HDAC4: variants seen among roughly 807,000 people sequenced by gnomAD.
The protein encoded by HDAC4 is histone deacetylase A.
Under a neutral mutation model 135.1 loss-of-function variants are expected in HDAC4, and 16 were observed. The observed-to-expected ratio is 0.12, with a 90% CI of 0.08 to 0.18. The LOEUF is 0.18. HDAC4 is among the 10% of genes least tolerant of loss of function. The pLI is 1.00. For synonymous variants in HDAC4, 685 were observed against 653.4 expected, an observed-to-expected ratio of 1.05 and a Z score of -0.74; for missense variants, 1,143 against 1,511.8, an observed-to-expected ratio of 0.76 and a Z score of 4.05.
At chr2:239,270,159 G>C (rs1422183368) in intron 2 of HDAC4, among the ~76,000 whole-genome samples, 1 of 152,226 alleles carries the variant, frequency 6.6e-6, no homozygotes, top group Non-Finnish European at 1.5e-5. Flanking sequence ...CAGAGTCCTG[G>C]AGGCTGCCCC....
At chr2:239,398,088 A>AG (rs1373881489) in intron 1 of HDAC4, among the ~76,000 whole-genome samples, 1 of 149,114 alleles carries the variant, frequency 6.7e-6, no homozygotes, top group Non-Finnish European at 1.5e-5. Flanking sequence ...CCAGCTAGTC[A>AG]TCAATTCTGA....
At chr2:239,360,406 C>T (rs1282800650) in intron 1 of HDAC4, among the ~76,000 whole-genome samples, 1 of 152,210 alleles carries the variant, frequency 6.6e-6, no homozygotes, top group African/African-American at 2.4e-5. Flanking sequence ...AAAGTAGCTC[C>T]AACAGCCACA....
At chr2:239,075,440 A>G (rs1272236287) in intron 22 of HDAC4, among the ~76,000 whole-genome samples, 1 of 152,024 alleles carries the variant, frequency 6.6e-6, no homozygotes, top group Non-Finnish European at 1.5e-5. Context: ...TCAGCTCAAG[A>G]GGCAGGAGAA....
intron 2 of HDAC4, among the ~76,000 whole-genome samples, chr2:239,279,116 G>C (rs2050562562): frequency 6.6e-6 from 1 of 152,240 alleles, no homozygotes; most frequent in African/African-American, 2.4e-5. Context: ...ACAGGCCGGA[G>C]GGCTCCCCTC....
rs2039053683 is a variant in HDAC4, at chr2:239,115,564, C to T, written c.1534-254G>A. Among the ~76,000 whole-genome samples the T allele has an allele frequency of 6.6e-6, 1 of 152,130 alleles. No homozygotes were observed. Among genetic ancestry groups the T allele is most frequent in the African/African-American group, 2.4e-5 (1 of 41,420 alleles). On this transcript the variant is annotated intron_variant, in intron 12 of 26. Coordinates refer to ENST00000543185, the MANE Select transcript of HDAC4 (RefSeq NM_001378414.1). The surrounding 1 kb of genome is among the most constrained non-coding windows in gnomAD (Gnocchi z 6.3). The stretch of plus-strand genomic sequence containing the variant: ...GACCTGGCCCAGGGAAGGAGGCTGA[C>T]TAACATTTGGGGTTTACTAAGCACC...
chr2:239,176,348 G>A lies in HDAC4; in HGVS notation c.490+65C>T, dbSNP rs1281492964. On this transcript the variant is annotated intron_variant, in intron 5 of 26. Coordinates refer to ENST00000543185, the MANE Select transcript of HDAC4 (RefSeq NM_001378414.1). ...ACTCCCTCCCTCTGCCCAGCCTTCCGTGCCCGCACCCCTCCCTCTGCCCGG... is the reference window on the plus strand; with the variant it reads ...ACTCCCTCCCTCTGCCCAGCCTTCCATGCCCGCACCCCTCCCTCTGCCCGG... 4.0e-4 allele frequency: 40 copies of A among 99,690 alleles called. 4 individuals are homozygous for A. Among genetic ancestry groups the A allele is most frequent in the East Asian group, 6.5e-4 (3 of 4,642 alleles). The allele number at this position is 99,690 out of a possible 1,614,324, so 6.2% of individuals were successfully genotyped here. A position where few individuals can be genotyped will look rare whatever the true frequency, so the allele number is the denominator to read the frequency against.
intron 24 of HDAC4, among the ~76,000 whole-genome samples, chr2:239,065,925 G>A (rs2033411749): frequency 6.6e-6 from 1 of 152,246 alleles, no homozygotes; most frequent in African/African-American, 2.4e-5. Flanking sequence ...GGCTCAGGAA[G>A]AGCAGGTGTG....
intron 3 of HDAC4, among the ~76,000 whole-genome samples, chr2:239,206,419 T>G (rs57670709): frequency 2.0e-5 from 3 of 150,188 alleles, no homozygotes; most frequent in Non-Finnish European, 3.0e-5. Context: ...CACACACACA[T>G]GGGTATGGCT....
intron 1 of HDAC4, among the ~76,000 whole-genome samples, chr2:239,380,048 C>A (rs183018015): frequency 1.4e-4 from 21 of 152,230 alleles, no homozygotes; most frequent in African/African-American, 4.6e-4. Flanking sequence ...GCTGGGAGGG[C>A]GTGCACGAAA....
intron 26 of HDAC4, 129 bp from the exon 27 acceptor site, chr2:239,053,265 G>A: frequency 7.3e-7 from 1 of 1,364,344 alleles, no homozygotes. Context: ...GGCAGCCCCG[G>A]GTCCATCTGT....
At chr2:239,392,951 C>T (rs1696327522) in intron 1 of HDAC4, among the ~76,000 whole-genome samples, 1 of 152,150 alleles carries the variant, frequency 6.6e-6, no homozygotes, top group Admixed American at 6.5e-5. Flanking sequence ...CAGCGGGTCC[C>T]CTCCAGCACG....
In HDAC4 at chr2:239,051,203, A is replaced by C. The variant is rs1351064857; in HGVS notation, c.*1894T>G. Reference sequence around the variant, plus strand: ...GGGGAAAAACACACCACCCCTCGTAATACTACTAGTGTTGAAAGTTAAAAA... The same window carrying C: ...GGGGAAAAACACACCACCCCTCGTACTACTACTAGTGTTGAAAGTTAAAAA... On this transcript the variant is annotated 3_prime_UTR_variant, in exon 27 of 27. Transcript: ENST00000543185. 1.3e-5 allele frequency: 2 copies of C among 152,434 alleles called. No individual in the cohort carries two copies. The highest frequency in any genetic ancestry group is 1.5e-5 in the Non-Finnish European group (1 of 68,022). 9.4% of individuals were successfully genotyped at this position (152,434 alleles called of 1,614,324 possible).
At chr2:239,236,889 C>CT (rs2047919775) in intron 2 of HDAC4, among the ~76,000 whole-genome samples, 1 of 152,190 alleles carries the variant, frequency 6.6e-6, no homozygotes, top group Non-Finnish European at 1.5e-5. Context: ...CGTTTCTGGC[C>CT]TAAGAGCCAC....
rs889860476 is a variant in HDAC4 at position 239,062,314 on chromosome 2, G to C, written c.3003+4408C>G. Among the ~76,000 whole-genome samples, 6 of 152,378 alleles carry C rather than the reference G, an allele frequency of 3.9e-5. No homozygotes were observed. In the East Asian group the frequency reaches 1.2e-3, roughly 29 times the overall value. On this transcript the variant is annotated intron_variant, in intron 24 of 26. Coordinates refer to ENST00000543185, the MANE Select transcript of HDAC4 (RefSeq NM_001378414.1). ...TAACTCAGCCACTTCTGCAGCAACAGGGTCCCCGCAGGCCACTGCCGTCAC... is the reference window on the plus strand; with the variant it reads ...TAACTCAGCCACTTCTGCAGCAACACGGTCCCCGCAGGCCACTGCCGTCAC...
chr2:239,376,903 T>A (rs115512661), intron 1 of HDAC4, among the ~76,000 whole-genome samples: 2,584 of 152,086 alleles, frequency 0.017, 62 homozygotes, highest in East Asian at 0.12. Context: ...GGTTGCACGA[T>A]GATAGCAAGT....
chr2:239,114,956 G>T, intron 13 of HDAC4, 97 bp downstream of exon 13: 1 of 1,429,154 alleles, frequency 7.0e-7, no homozygotes, highest in Non-Finnish European at 9.6e-7. Flanking sequence ...GCGCAAGGAT[G>T]CCCTGCAGCC....
intron 1 of HDAC4, among the ~76,000 whole-genome samples, chr2:239,399,394 C>A (rs1696786188): frequency 6.6e-6 from 1 of 152,024 alleles, no homozygotes; most frequent in African/African-American, 2.4e-5. Flanking sequence ...ATTCGATCTC[C>A]CTCCCTTCCA....
At chr2:239,275,014 G>GCTT in intron 2 of HDAC4, among the ~76,000 whole-genome samples, 1 of 152,380 alleles carries the variant, frequency 6.6e-6, no homozygotes, top group East Asian at 1.9e-4. Flanking sequence ...CAGCGGAGGG[G>GCTT]CTTCCAACCA....
Position 239,115,403 on chromosome 2 carries a change from G to A in HDAC4, c.1534-93C>T. The A allele has an allele frequency of 6.6e-7, 1 of 1,523,448 alleles. No homozygotes were observed. Among genetic ancestry groups the A allele is most frequent in the Non-Finnish European group, 9.0e-7 (1 of 1,110,454 alleles). 94.4% of individuals were successfully genotyped at this position (1,523,448 alleles called of 1,614,324 possible). A position where few individuals can be genotyped will look rare whatever the true frequency, so the allele number is the denominator to read the frequency against. On this transcript the variant is annotated intron_variant, in intron 12 of 26. Transcript: ENST00000543185. The surrounding 1 kb of genome is among the most constrained non-coding windows in gnomAD (Gnocchi z 6.3). ...GGATGCTGCAAACCCCACCCTCTGG[G>A]GCAGACAATCAGGGACTCAGGGCAC...
Sources: allele counts gnomAD v4.1 joint callset (sites outside exome capture counted in the v4.1 genomes callset), GRCh38; gene constraint gnomAD v4.1.1; non-coding constraint Gnocchi (gnomAD v3.1); transcripts MANE v1.5; gene names NCBI Gene and HGNC (gene_info 2026-07-23, HGNC 2026-07-21).